Variants in NCAM2 observed in about 807,000 individuals in gnomAD.
NCAM2 encodes the protein N-CAM-2.
In NCAM2, 30 loss-of-function variants were observed where a neutral mutation model predicts 98.1. The observed-to-expected ratio is 0.31, with a 90% CI of 0.23 to 0.41. The LOEUF is 0.41. NCAM2 is among the 10% of genes least tolerant of loss of function. The pLI is 1.00. For synonymous variants in NCAM2, 368 were observed against 342.4 expected (o/e 1.07, Z -0.83); for missense variants, 867 against 1,005.8 (o/e 0.86, Z 1.87).
chr21:21,536,883 G>A (rs963978594), intron 17 of NCAM2, among the ~76,000 whole-genome samples: 18 of 151,968 alleles, frequency 1.2e-4, no homozygotes, highest in Non-Finnish European at 2.1e-4. Context: ...AAATAAAGTT[G>A]GTATTGCTTC....
At chr21:21,269,903 G>A (rs2072429689) in intron 1 of NCAM2, among the ~76,000 whole-genome samples, 2 of 152,044 alleles carry the variant, frequency 1.3e-5, no homozygotes, top group South Asian at 4.1e-4. Flanking sequence ...AAGAAAGGAA[G>A]GCAAAACCTT....
At chr21:21,386,707 C>T (rs2076278149) in intron 9 of NCAM2, among the ~76,000 whole-genome samples, 1 of 152,078 alleles carries the variant, frequency 6.6e-6, no homozygotes, top group Non-Finnish European at 1.5e-5. Context: ...GTCTCTCTGA[C>T]AGGTGTTATT....
chr21:21,314,187 G>A (rs980474425), intron 5 of NCAM2, among the ~76,000 whole-genome samples: 2 of 152,056 alleles, frequency 1.3e-5, no homozygotes, highest in African/African-American at 4.8e-5. Context: ...AAGGCGCCTT[G>A]AGCAATTCTT....
intron 17 of NCAM2, among the ~76,000 whole-genome samples, chr21:21,534,908 G>A (rs923416932): frequency 2.0e-5 from 3 of 152,000 alleles, no homozygotes; most frequent in Admixed American, 6.6e-5. Flanking sequence ...GTATAAAAAG[G>A]TAAGTATCTT....
chr21:21,035,293 A>G (rs1007343844), intron 1 of NCAM2, among the ~76,000 whole-genome samples: 9 of 152,170 alleles, frequency 5.9e-5, no homozygotes, highest in African/African-American at 2.2e-4. Context: ...TACAGAAGAA[A>G]ACAGATTCTA....
chr21:21,192,919 G>C (rs978560403), intron 1 of NCAM2, among the ~76,000 whole-genome samples: 1 of 152,176 alleles, frequency 6.6e-6, no homozygotes, highest in Non-Finnish European at 1.5e-5. Context: ...GTGTCGTGAG[G>C]CAAGGGGAGT....
At chr21:21,382,884 C>A (rs232422) in intron 9 of NCAM2, among the ~76,000 whole-genome samples, 1 of 150,292 alleles carries the variant, frequency 6.7e-6, no homozygotes, top group Non-Finnish European at 1.5e-5. Context: ...CCATTTTATT[C>A]TTTCTGTCTT....
intron 8 of NCAM2, among the ~76,000 whole-genome samples, chr21:21,367,859 A>G (rs1414631329): frequency 6.6e-6 from 1 of 151,910 alleles, no homozygotes; most frequent in East Asian, 1.9e-4. Flanking sequence ...ATATAAGCCT[A>G]TCCATTCTGG....
At chr21:21,344,156 C>T (rs2075124734) in intron 8 of NCAM2, among the ~76,000 whole-genome samples, 1 of 152,192 alleles carries the variant, frequency 6.6e-6, no homozygotes, top group African/African-American at 2.4e-5. Flanking sequence ...TGAGAACACA[C>T]TGGCTTTCAT....
intron 11 of NCAM2, among the ~76,000 whole-genome samples, chr21:21,430,058 C>T (rs1222257158): frequency 6.6e-6 from 1 of 151,942 alleles, no homozygotes; most frequent in South Asian, 2.1e-4. Flanking sequence ...GATAGAGTCT[C>T]TCTCTGTTGC....
chr21:21,009,788 T>C (rs552400979), intron 1 of NCAM2, among the ~76,000 whole-genome samples: 1 of 152,070 alleles, frequency 6.6e-6, no homozygotes, highest in Admixed American at 6.6e-5. Context: ...AATACTTGTT[T>C]TATCTTAGTT....
intron 1 of NCAM2, among the ~76,000 whole-genome samples, chr21:21,073,121 G>A (rs903274161): frequency 2.6e-5 from 4 of 152,026 alleles, no homozygotes; most frequent in African/African-American, 9.7e-5. Context: ...TGACTTGAGG[G>A]TTCATTCATA....
At chr21:21,395,405 A>T (rs116661682) in intron 9 of NCAM2, among the ~76,000 whole-genome samples, 1,852 of 152,326 alleles carry the variant, frequency 0.012, 31 homozygotes, top group African/African-American at 0.043. Flanking sequence ...GTACATTAAA[A>T]TGAAATATAT....
intron 1 of NCAM2, among the ~76,000 whole-genome samples, chr21:21,082,625 A>G (rs1449506381): frequency 1.2e-4 from 19 of 152,202 alleles, no homozygotes; most frequent in Admixed American, 1.0e-3. Flanking sequence ...AAAATGTTTT[A>G]TATTTGCTAT....
chr21:21,120,681 A>C (rs2146564020), intron 1 of NCAM2, among the ~76,000 whole-genome samples: 1 of 151,696 alleles, frequency 6.6e-6, no homozygotes, highest in East Asian at 2.0e-4. Context: ...AAGGCAATTA[A>C]AGTTTAAAAA....
chr21:21,301,590 G>C (rs1419227367), intron 5 of NCAM2, among the ~76,000 whole-genome samples: 5 of 110,956 alleles, frequency 4.5e-5, no homozygotes, highest in Non-Finnish European at 8.5e-5. Context: ...CTGTGTCCAT[G>C]TGATCTCATT....
intron 1 of NCAM2, among the ~76,000 whole-genome samples, chr21:21,015,737 C>A (rs1399511453): frequency 1.3e-5 from 2 of 152,112 alleles, no homozygotes; most frequent in East Asian, 3.9e-4. Flanking sequence ...AAGTCTCGCT[C>A]TTGTCCCCCA....
At chr21:21,058,385 A>T (rs2146319818) in intron 1 of NCAM2, among the ~76,000 whole-genome samples, 1 of 152,216 alleles carries the variant, frequency 6.6e-6, no homozygotes, top group South Asian at 2.1e-4. Flanking sequence ...TGTTGGGGTC[A>T]CTTTGAATAT....
At chr21:21,074,731 C>CT (rs55701294) in intron 1 of NCAM2, among the ~76,000 whole-genome samples, 26,505 of 152,164 alleles carry the variant, frequency 0.17, 2,532 homozygotes, top group Non-Finnish European at 0.19. Flanking sequence ...CTTGCTTCCT[C>CT]TATCTTTTCT....
Sources: allele counts gnomAD v4.1 joint callset (sites outside exome capture counted in the v4.1 genomes callset), GRCh38; gene constraint gnomAD v4.1.1; transcripts MANE v1.5; gene names NCBI Gene and HGNC (gene_info 2026-07-23, HGNC 2026-07-21).